Variants in WASL observed in about 807,000 individuals in gnomAD.
The protein encoded by WASL is WASP like actin nucleation promoting factor.
WASL carries 20 observed loss-of-function variants against 55.5 expected under a neutral mutation model. The observed-to-expected ratio is 0.36, with a 90% confidence interval of 0.25 to 0.52. The LOEUF (loss-of-function observed/expected upper bound fraction) is 0.52. WASL is among the 20% of genes least tolerant of loss of function. The pLI, the probability that WASL is intolerant of heterozygous loss-of-function variation, is 0.92. For missense variants in WASL, 504 were observed against 622.5 expected (o/e 0.81, Z 2.03); for synonymous variants, 249 against 217.6 (o/e 1.14, Z -1.27).
At position 123,692,453 on chromosome 7, in the gene WASL, C is replaced by A; in HGVS notation, c.1241G>T (p.Arg414Ile). Residue 414 changes from arginine (R) to isoleucine (I), a missense_variant, in exon 9 of 11, where the codon AGA (arginine) becomes ATA (isoleucine). Arg to Ile is a moderately conservative substitution (Grantham distance 97). This residue lies in a region of WASL where 201 missense variants were observed against 206.2 expected (regional missense o/e 0.97). Transcript: ENST00000223023. ...GNKAALLDQI[R>I]EGAQLKKVEQ... ...CACTTTTTTTAGCTGAGCACCCTCT[C>A]TAATTTGATCTAAAAGAGCTGCTTT... 1 of 1,614,080 alleles carries A rather than the reference C, an allele frequency of 6.2e-7. No individual in the cohort carries two copies. The highest frequency in any genetic ancestry group is 8.5e-7 in the Non-Finnish European group (1 of 1,180,030).
chr7:123,706,860 C>A, intron 2 of WASL, 34 bp from the exon 3 acceptor site: 3 of 1,300,182 alleles, frequency 2.3e-6, no homozygotes, highest in African/African-American at 1.5e-5. Flanking sequence ...ATAAGAACTA[C>A]CAAAACATAA....
At chr7:123,698,236 G>C (rs1163978166) in intron 5 of WASL, among the ~76,000 whole-genome samples, 3 of 151,802 alleles carry the variant, frequency 2.0e-5, no homozygotes, top group Non-Finnish European at 4.4e-5. Flanking sequence ...ATCAATAAAT[G>C]GCAAATAGAA....
chr7:123,693,062 T>C (rs1034043143), intron 8 of WASL, among the ~76,000 whole-genome samples, 195 bp from the exon 9 acceptor site: 3 of 152,160 alleles, frequency 2.0e-5, no homozygotes, highest in African/African-American at 7.2e-5. Flanking sequence ...AGCCTAAAGA[T>C]CACTTTCTTA....
chr7:123,695,786 TAC>T (rs760049739), intron 7 of WASL, 35 bp downstream of exon 7: 17 of 1,595,306 alleles, frequency 1.1e-5, no homozygotes, highest in Non-Finnish European at 1.5e-5. Context: ...CATTTCCACA[TAC>T]AGTTATAACG....
At chr7:123,695,429 T>C (rs113527460) in intron 7 of WASL, among the ~76,000 whole-genome samples, 1 of 152,118 alleles carries the variant, frequency 6.6e-6, no homozygotes, top group Non-Finnish European at 1.5e-5. Context: ...ACGGCAAAAC[T>C]GCCAAAAAGA....
intron 1 of WASL, among the ~76,000 whole-genome samples, chr7:123,718,261 A>G (rs1803877775): frequency 1.3e-5 from 2 of 152,206 alleles, no homozygotes; most frequent in South Asian, 2.1e-4. Context: ...GCTCCCAATT[A>G]TAAGCTTCAG....
intron 7 of WASL, 62 bp downstream of exon 7, chr7:123,695,761 T>C (rs1803479907): frequency 6.5e-7 from 1 of 1,543,924 alleles, no homozygotes; most frequent in Non-Finnish European, 8.8e-7. Flanking sequence ...TAAAAAAATC[T>C]AAAATAGGCC....
chr7:123,696,721 C>T lies in WASL; in HGVS notation c.487G>A (p.Asp163Asn). The change falls in exon 6 of 11, where the codon GAT becomes AAT. Residue 163 changes from aspartate to asparagine, a missense_variant. Asp to Asn is a conservative substitution (Grantham distance 23). Coordinates refer to ENST00000223023, the MANE Select transcript of WASL (RefSeq NM_003941.4). The part of the protein sequence containing the change: ...NGPNLPMATV[D>N]IKNPEITTNR... ...GTTGTGATTTCTGGATTTTTTATAT[C>T]AACTGTAGCCATGGGTAGATTAGGA... The T allele has an allele frequency of 6.3e-7, 1 of 1,594,066 alleles. No homozygotes were observed. The highest frequency in any genetic ancestry group is 8.5e-7 in the Non-Finnish European group (1 of 1,170,410).
At chr7:123,719,781 C>T (rs1299994633) in intron 1 of WASL, among the ~76,000 whole-genome samples, 1 of 152,170 alleles carries the variant, frequency 6.6e-6, no homozygotes, top group African/African-American at 2.4e-5. Flanking sequence ...CATACTGTCT[C>T]TAAGAAATCT....
intron 1 of WASL, among the ~76,000 whole-genome samples, chr7:123,716,095 T>G (rs1327984601): frequency 1.3e-5 from 2 of 152,194 alleles, no homozygotes; most frequent in African/African-American, 4.8e-5. Flanking sequence ...CTTTTCCTTC[T>G]GTTTCTTGCA....
At chr7:123,688,892 A>C in intron 10 of WASL, 150 bp downstream of exon 10, 1 of 715,668 alleles carries the variant, frequency 1.4e-6, no homozygotes, top group Non-Finnish European at 2.3e-6. Flanking sequence ...AATACATCCT[A>C]GAGCCCACAT....
At chr7:123,727,985 C>T (rs1804079815) in intron 1 of WASL, among the ~76,000 whole-genome samples, 1 of 152,078 alleles carries the variant, frequency 6.6e-6, no homozygotes, top group Non-Finnish European at 1.5e-5. Context: ...ACCTTACTTG[C>T]TTTATTTGAA....
At chr7:123,687,000 G>T (rs2116762982) in intron 10 of WASL, among the ~76,000 whole-genome samples, 1 of 152,138 alleles carries the variant, frequency 6.6e-6, no homozygotes, top group South Asian at 2.1e-4. Flanking sequence ...ATCTATAGTT[G>T]AATTAATAGG....
At chr7:123,700,449 T>C (rs1388003306) in intron 5 of WASL, among the ~76,000 whole-genome samples, 1 of 149,686 alleles carries the variant, frequency 6.7e-6, no homozygotes, top group East Asian at 2.0e-4. Context: ...TTTACCTCTT[T>C]TTTTTTTTTG....
chr7:123,684,541 T>G lies in WASL; in HGVS notation c.1496A>C (p.Asp499Ala). 4 of 1,229,010 alleles carry G rather than the reference T, an allele frequency of 3.3e-6. No individual in the cohort carries two copies. Among genetic ancestry groups the G allele is most frequent in the South Asian group, 1.3e-5 (1 of 74,886 alleles). The allele number at this position is 1,229,010 out of a possible 1,614,324, so 76.1% of individuals were successfully genotyped here. A position where few individuals can be genotyped will look rare whatever the true frequency, so the allele number is the denominator to read the frequency against. ...EDEDDEEDFE[D>A]DDEWED The stretch of plus-strand genomic sequence containing the variant: ...AGATCAGTCTTCCCACTCATCATCA[T>G]CCTCAAAATCTTCTTCATCATCTTC... Residue 499 changes from aspartate to alanine, a missense_variant, in exon 11 of 11, where the codon GAT becomes GCT. This residue lies in a region of WASL where 53 missense variants were observed against 69.1 expected (regional missense o/e 0.77). Transcript: ENST00000223023.
At chr7:123,735,852 C>T (rs1002854926) in intron 1 of WASL, among the ~76,000 whole-genome samples, 6 of 151,916 alleles carry the variant, frequency 3.9e-5, no homozygotes, top group Non-Finnish European at 5.9e-5. Flanking sequence ...ATATCTGAAA[C>T]GCAGGGCCAG....
intron 1 of WASL, among the ~76,000 whole-genome samples, chr7:123,724,059 G>GT (rs1253558959): frequency 6.6e-6 from 1 of 152,124 alleles, no homozygotes; most frequent in Non-Finnish European, 1.5e-5. Context: ...CTGAAGTATT[G>GT]TAATAGCTCC....
At chr7:123,706,443 G>T in intron 3 of WASL, 70 bp from the exon 4 acceptor site, 1 of 1,391,350 alleles carries the variant, frequency 7.2e-7, no homozygotes, top group Non-Finnish European at 1.0e-6. Flanking sequence ...TAAAAACAAT[G>T]AGGAAAAGAA....
chr7:123,709,010 T>C (rs1803715064), intron 2 of WASL, 79 bp downstream of exon 2: 4 of 1,334,372 alleles, frequency 3.0e-6, no homozygotes, highest in South Asian at 1.8e-5. Context: ...ACATATAGGA[T>C]AAACAAATCT....
Sources: allele counts gnomAD v4.1 joint callset (sites outside exome capture counted in the v4.1 genomes callset), GRCh38; gene constraint gnomAD v4.1.1; regional missense constraint gnomAD v4.1.1; transcripts MANE v1.5; gene names NCBI Gene and HGNC (gene_info 2026-07-23, HGNC 2026-07-21).